The following VWA5B1 variants were observed in gnomAD, a reference collection of about 807,000 sequenced individuals.
VWA5B1 encodes the protein von Willebrand factor A domain-containing protein 5B1.
In VWA5B1, 115 loss-of-function variants were observed where a neutral mutation model predicts 118.2. The ratio of observed to expected loss-of-function variants is 0.97; its 90% CI spans 0.84 to 1.14. The LOEUF (loss-of-function observed/expected upper bound fraction) is 1.14, where lower values mean the gene tolerates loss of function less well. Ranked by LOEUF, VWA5B1 falls within the 50% of genes most tolerant of loss-of-function variation. The pLI is 0.00. For missense variants in VWA5B1, 1,596 were observed against 1,603.8 expected (o/e 1.00, Z 0.08); for synonymous variants, 682 against 658.4 (o/e 1.04, Z -0.55).
At chr1:20,340,829 TAC>T (rs2089857136) in intron 14 of VWA5B1, among the ~76,000 whole-genome samples, 1 of 152,234 alleles carries the variant, frequency 6.6e-6, no homozygotes, top group Non-Finnish European at 1.5e-5. Context: ...ATATTAATAC[TAC>T]ACACACAAAC....
rs1024775309 is a variant in VWA5B1 at position 20,343,332 on chromosome 1, G to T, written c.2565G>T (p.Ala855=). Residue 855 remains alanine, a synonymous_variant, in exon 16 of 22, where the codon GCG becomes GCT. Transcript: ENST00000289815. ...GGAGCGAGACCTTCCACCACCTGGC[G>T]GCCCGCGCCATCATCCGCGACTTCG... The part of the protein sequence containing the change: ...DLWSETFHHL[A]ARAIIRDFEQ... 7.1e-6 allele frequency: 11 copies of T among 1,543,144 alleles called. No homozygotes were observed. In the African/African-American group the frequency reaches 9.6e-5, roughly 13 times the overall value.
At position 20,310,600 on chromosome 1, in the gene VWA5B1, G is replaced by C; in HGVS notation, c.-2G>C. 6.5e-7 allele frequency: 1 copy of C among 1,533,390 alleles called. No individual in the cohort carries two copies. The highest frequency in any genetic ancestry group is 8.8e-7 in the Non-Finnish European group (1 of 1,139,078). 95.0% of individuals were successfully genotyped at this position (1,533,390 alleles called of 1,614,324 possible). Reference sequence around the variant, plus strand: ...GGTTCTGAAGGCTGAGTAGCCAGCGGGATGCCCGGCTTGCTGAATTGGATC... The same window carrying C: ...GGTTCTGAAGGCTGAGTAGCCAGCGCGATGCCCGGCTTGCTGAATTGGATC... On this transcript the variant is annotated 5_prime_UTR_variant, in exon 2 of 22. Transcript: ENST00000289815.
At chr1:20,310,828 G>A in intron 2 of VWA5B1, 88 bp downstream of exon 2, 2 of 1,419,750 alleles carry the variant, frequency 1.4e-6, no homozygotes, top group Non-Finnish European at 1.8e-6. Context: ...ACTGACCTTA[G>A]GCAAGTCATG....
Position 20,358,134 on chromosome 1 carries a change from G to T in VWA5B1, c.*3871G>T, listed in dbSNP as rs1048457531. Among the ~76,000 whole-genome samples, 1 of 152,158 alleles carries T rather than the reference G, an allele frequency of 6.6e-6. No individual in the cohort carries two copies. Among genetic ancestry groups the T allele is most frequent in the Non-Finnish European group, 1.5e-5 (1 of 68,028 alleles). On this transcript the variant is annotated 3_prime_UTR_variant, in exon 22 of 22. Coordinates refer to ENST00000289815, the MANE Select transcript of VWA5B1 (RefSeq NM_001039500.3). ...TGTTTCCCCAGCCAGTCCCTTCTCT[G>T]CGGGCAAAATGAATGGCATCCCCTA...
In VWA5B1 at chr1:20,354,794, T is replaced by C. The variant is rs2090200229; in HGVS notation, c.*531T>C. 1 of 150,594 alleles carries C rather than the reference T, an allele frequency of 6.6e-6. No individual in the cohort carries two copies. The allele number at this position is 150,594 out of a possible 1,614,324, so 9.3% of individuals were successfully genotyped here. A position where few individuals can be genotyped will look rare whatever the true frequency, so the allele number is the denominator to read the frequency against. ...CCTGTAGGACAGGCTCTTGTCTCCATGGTAACAGCCAAGGACCCCCCCTAA... is the reference window on the plus strand; with the variant it reads ...CCTGTAGGACAGGCTCTTGTCTCCACGGTAACAGCCAAGGACCCCCCCTAA... On this transcript the variant is annotated 3_prime_UTR_variant, in exon 22 of 22. Coordinates refer to ENST00000289815, the MANE Select transcript of VWA5B1 (RefSeq NM_001039500.3).
intron 7 of VWA5B1, 122 bp downstream of exon 7, chr1:20,319,628 C>T (rs1381415244): frequency 9.3e-6 from 13 of 1,394,676 alleles, no homozygotes; most frequent in Non-Finnish European, 1.3e-5. Context: ...AAGCTGGAGG[C>T]AGACACCAGG....
intron 2 of VWA5B1, among the ~76,000 whole-genome samples, chr1:20,312,509 T>A (rs1275392703): frequency 6.6e-6 from 1 of 152,202 alleles, no homozygotes; most frequent in Non-Finnish European, 1.5e-5. Context: ...CTGTGGCCCA[T>A]GGACAAAACT....
chr1:20,314,151 A>G (rs1211374866), intron 3 of VWA5B1, among the ~76,000 whole-genome samples, 171 bp from the exon 4 acceptor site: 2 of 152,122 alleles, frequency 1.3e-5, no homozygotes, highest in African/African-American at 2.4e-5. Flanking sequence ...AGTCAGACGC[A>G]TGGGGGTTCA....
rs751273145 is a variant in VWA5B1 at position 20,353,882 on chromosome 1, C to T, written c.3267C>T (p.Thr1089=). The change falls in exon 22 of 22, where the codon ACC becomes ACT. Residue 1089 remains threonine, a synonymous_variant. Transcript: ENST00000289815. ...PFTCHRVSLT[T]RPSESKTPSP... ...CCTGCCATCGAGTGTCCCTCACCAC[C>T]CGCCCGTCTGAGTCCAAGACCCCGA... 6 of 1,546,248 alleles carry T rather than the reference C, an allele frequency of 3.9e-6. No homozygotes were observed. Among genetic ancestry groups the T allele is most frequent in the South Asian group, 3.6e-5 (3 of 82,852 alleles).
At chr1:20,307,327 CA>C (rs1157329862) in intron 1 of VWA5B1, among the ~76,000 whole-genome samples, 3 of 152,186 alleles carry the variant, frequency 2.0e-5, no homozygotes. Context: ...GAAGGGAAGA[CA>C]CTCAGCAGAA....
At chr1:20,331,745 G>C (rs1392803308) in intron 11 of VWA5B1, among the ~76,000 whole-genome samples, 2 of 152,040 alleles carry the variant, frequency 1.3e-5, no homozygotes, top group South Asian at 4.1e-4. Context: ...GGAGAGAGAT[G>C]GTCTTGGCTC....
chr1:20,354,343 A>T lies in VWA5B1; in HGVS notation c.*80A>T. On this transcript the variant is annotated 3_prime_UTR_variant, in exon 22 of 22. Transcript: ENST00000289815. ...GGGCCATGTCGGCCTGGTTTCGGGG[A>T]GCTTTTGGAGCTGTAACTAATATTT... The T allele has an allele frequency of 6.9e-7, 1 of 1,440,408 alleles. No individual in the cohort carries two copies. The highest frequency in any genetic ancestry group is 9.2e-7 in the Non-Finnish European group (1 of 1,085,506). 89.2% of individuals were successfully genotyped at this position (1,440,408 alleles called of 1,614,324 possible).
intron 8 of VWA5B1, among the ~76,000 whole-genome samples, chr1:20,326,234 T>G (rs892620620): frequency 1.3e-5 from 2 of 152,044 alleles, no homozygotes; most frequent in Non-Finnish European, 2.9e-5. Context: ...GATTGGGGTG[T>G]GAGTATGTGG....
chr1:20,334,297 A>T (rs915066249), intron 12 of VWA5B1, among the ~76,000 whole-genome samples: 36 of 152,202 alleles, frequency 2.4e-4, no homozygotes, highest in African/African-American at 7.7e-4. Flanking sequence ...GTCCTTGCAC[A>T]GTCCGGGCCT....
At chr1:20,335,900 T>A (rs1263622336) in intron 12 of VWA5B1, among the ~76,000 whole-genome samples, 6 of 152,122 alleles carry the variant, frequency 3.9e-5, no homozygotes, top group African/African-American at 1.4e-4. Flanking sequence ...TTGGAAAAAA[T>A]CCACATATAA....
rs1337553666 is a variant in VWA5B1, at chr1:20,354,469, C to T, written c.*206C>T. On this transcript the variant is annotated 3_prime_UTR_variant, in exon 22 of 22. Transcript: ENST00000289815. ...GCAACTTTAGGCCAGTGCCTGCCCC[C>T]GTCTGGGCCTCAGTTTCCTCATCTA... 2 of 614,708 alleles carry T rather than the reference C, an allele frequency of 3.3e-6. No homozygotes were observed. Among genetic ancestry groups the T allele is most frequent in the South Asian group, 2.1e-5 (1 of 46,902 alleles). The allele number at this position is 614,708 out of a possible 1,614,324, so 38.1% of individuals were successfully genotyped here. A position where few individuals can be genotyped will look rare whatever the true frequency, so the allele number is the denominator to read the frequency against.
At chr1:20,343,792 C>A (rs1249270425) in intron 16 of VWA5B1, among the ~76,000 whole-genome samples, 1 of 47,916 alleles carries the variant, frequency 2.1e-5, no homozygotes, top group Non-Finnish European at 4.2e-5. Context: ...GACCCGCCCC[C>A]CCTCTCCCGT....
Position 20,354,163 on chromosome 1 carries a change from G to C in VWA5B1, c.3548G>C (p.Gly1183Ala), listed in dbSNP as rs2090187254. The change falls in exon 22 of 22, where the codon GGC (glycine) becomes GCC (alanine). Residue 1183 changes from glycine (G) to alanine (A), a missense_variant. Physicochemically the swap from Gly to Ala is moderately conservative, Grantham distance 60. Coordinates refer to ENST00000289815, the MANE Select transcript of VWA5B1 (RefSeq NM_001039500.3). Reference sequence around the variant, plus strand: ...GAAGTACCCGAGGGCCGCACGCAGGGCACACTCAAGGCCGCTGCCCGCCAG... The same window carrying C: ...GAAGTACCCGAGGGCCGCACGCAGGCCACACTCAAGGCCGCTGCCCGCCAG... The part of the protein sequence containing the change: ...QQEVPEGRTQ[G>A]TLKAAARQLF... 1 of 1,551,224 alleles carries C rather than the reference G, an allele frequency of 6.4e-7. No homozygotes were observed. The highest frequency in any genetic ancestry group is 2.0e-5 in the Admixed American group (1 of 50,996).
Position 20,336,493 on chromosome 1 carries a change from C to T in VWA5B1, c.1942+7C>T. On this transcript the variant is annotated splice_region_variant and intron_variant, in intron 13 of 21. Transcript: ENST00000289815. ...GACTCTACCACCAAGCACGGTTCGTCTGCGGCTCTGATGATTGCTGCCTTA... is the reference window on the plus strand; with the variant it reads ...GACTCTACCACCAAGCACGGTTCGTTTGCGGCTCTGATGATTGCTGCCTTA... The T allele has an allele frequency of 7.3e-7, 1 of 1,372,302 alleles. No homozygotes were observed. The highest frequency in any genetic ancestry group is 9.5e-7 in the Non-Finnish European group (1 of 1,048,870). The allele number at this position is 1,372,302 out of a possible 1,614,324, so 85.0% of individuals were successfully genotyped here. A position where few individuals can be genotyped will look rare whatever the true frequency, so the allele number is the denominator to read the frequency against.
Sources: gnomAD v4.1 joint callset for allele counts (sites outside exome capture counted in the v4.1 genomes callset) on GRCh38, gnomAD v4.1.1 for gene constraint, MANE v1.5 for transcripts, NCBI Gene and HGNC (gene_info 2026-07-23, HGNC 2026-07-21) for gene names.